The following USP54 variants were observed in gnomAD, a reference collection of about 807,000 sequenced individuals.
USP54 encodes ubiquitin carboxyl-terminal hydrolase 54.
In USP54, 87 loss-of-function variants were observed where a neutral mutation model predicts 170.5. That is an observed-to-expected ratio of 0.51 (90% confidence interval 0.43 to 0.61). The LOEUF is 0.61. USP54 is among the 20% of genes least tolerant of loss of function. The probability of loss-of-function intolerance (pLI) is 0.00; values close to 1 mark genes in which losing one functional copy is unlikely to be tolerated. For missense variants in USP54, 1,786 were observed against 2,047.8 expected, an observed-to-expected ratio of 0.87 and a Z score of 2.47; for synonymous variants, 655 against 742.8, an observed-to-expected ratio of 0.88 and a Z score of 1.92.
chr10:73,528,467 A>T (rs1473952540), intron 15 of USP54, among the ~76,000 whole-genome samples: 2 of 151,784 alleles, frequency 1.3e-5, no homozygotes, highest in African/African-American at 4.8e-5. Flanking sequence ...CATGTTGGCC[A>T]GGCTGGTCAC....
rs113987829 is a variant in USP54 at position 73,541,465 on chromosome 10, A to G, written c.735T>C (p.Ile245=). 17 of 1,614,064 alleles carry G rather than the reference A, an allele frequency of 1.1e-5. No homozygotes were observed. The African/African-American group carries it at 1.2e-4, about 11-fold the overall frequency. ...IRRVLMNAPQ[I]ITIGLVWDSD... is the part of the protein sequence containing the mutation. ...AGTCCCATACCAGCCCAATCGTGAT[A>G]ATCTGTGGAGCATTCATCAACACAC... The change falls in exon 9 of 24, where the codon ATT becomes ATC. Residue 245 remains isoleucine (I), a synonymous_variant. Coordinates refer to ENST00000687698, the MANE Select transcript of USP54 (RefSeq NM_001391956.1).
chr10:73,527,643 A>G (rs1196871577), intron 15 of USP54, among the ~76,000 whole-genome samples: 1 of 151,910 alleles, frequency 6.6e-6, no homozygotes, highest in East Asian at 1.9e-4. Flanking sequence ...CATCATTATT[A>G]TGAATATTAT....
Position 73,498,491 on chromosome 10 carries a change from G to A in USP54, c.*138C>T. The A allele has an allele frequency of 1.3e-6, 1 of 767,996 alleles. No individual in the cohort carries two copies. Among genetic ancestry groups the A allele is most frequent in the Non-Finnish European group, 1.9e-6 (1 of 517,188 alleles). 47.6% of individuals were successfully genotyped at this position (767,996 alleles called of 1,614,324 possible). ...GGGTTTCACCATGTTGGCCAGGATG[G>A]TCTCAATCTCCTGACCTCGTGATCC... On this transcript the variant is annotated 3_prime_UTR_variant, in exon 24 of 24. Transcript: ENST00000687698.
chr10:73,522,267 T>C (rs913709746), intron 17 of USP54, among the ~76,000 whole-genome samples: 1 of 152,244 alleles, frequency 6.6e-6, no homozygotes, highest in African/African-American at 2.4e-5. Context: ...ATAATATTTG[T>C]AATCAACTAA....
At chr10:73,535,889 T>C (rs2065117439) in intron 11 of USP54, among the ~76,000 whole-genome samples, 1 of 152,130 alleles carries the variant, frequency 6.6e-6, no homozygotes, top group Non-Finnish European at 1.5e-5. Flanking sequence ...CCAAACAAAA[T>C]AACTAGCCTT....
chr10:73,557,337 T>C lies in USP54; in HGVS notation c.241-11665A>G, dbSNP rs181548690. Reference sequence around the variant, plus strand: ...ACAAACTTCTTCAATTTTTTTTTTTTTTGAGATGGAGTCTTGCTCTGTCAC... The same window carrying C: ...ACAAACTTCTTCAATTTTTTTTTTTCTTGAGATGGAGTCTTGCTCTGTCAC... On this transcript the variant is annotated intron_variant, in intron 4 of 23. Transcript: ENST00000687698. Among the ~76,000 whole-genome samples the C allele has an allele frequency of 2.6e-5, 4 of 152,254 alleles. No homozygotes were observed. In the East Asian group the frequency reaches 7.7e-4, roughly 29 times the overall value.
intron 1 of USP54, among the ~76,000 whole-genome samples, chr10:73,589,474 A>C (rs760865015): frequency 2.0e-5 from 3 of 152,238 alleles, no homozygotes; most frequent in Non-Finnish European, 4.4e-5. Flanking sequence ...GAGTTCCAGA[A>C]AGTTACCCTA....
At chr10:73,551,396 A>G (rs991542788) in intron 4 of USP54, among the ~76,000 whole-genome samples, 1 of 152,242 alleles carries the variant, frequency 6.6e-6, no homozygotes, top group Non-Finnish European at 1.5e-5. Flanking sequence ...CAGGCCTTCC[A>G]TAATTTGTTA....
At chr10:73,540,452 C>A (rs1344846691) in intron 9 of USP54, among the ~76,000 whole-genome samples, 2 of 151,990 alleles carry the variant, frequency 1.3e-5, no homozygotes, top group Admixed American at 6.6e-5. Flanking sequence ...CACCTGTAGT[C>A]CCATCTACTG....
intron 4 of USP54, among the ~76,000 whole-genome samples, chr10:73,554,380 C>A (rs1474944823): frequency 6.6e-6 from 1 of 152,166 alleles, no homozygotes; most frequent in Non-Finnish European, 1.5e-5. Context: ...CGCTACATCT[C>A]CTGGGAATCA....
chr10:73,608,092 C>T (rs2079825539), intron 1 of USP54, among the ~76,000 whole-genome samples: 1 of 151,598 alleles, frequency 6.6e-6, no homozygotes, highest in South Asian at 2.1e-4. Flanking sequence ...AAACCCTGTC[C>T]CTAACAAAAA....
intron 1 of USP54, among the ~76,000 whole-genome samples, chr10:73,580,117 A>G (rs2076688674): frequency 6.6e-6 from 1 of 152,068 alleles, no homozygotes; most frequent in South Asian, 2.1e-4. Flanking sequence ...TTGGATCAGG[A>G]GTTCAAGACC....
intron 1 of USP54, among the ~76,000 whole-genome samples, chr10:73,618,068 G>A (rs1564968353): frequency 6.7e-6 from 1 of 149,560 alleles, no homozygotes; most frequent in South Asian, 2.1e-4. Flanking sequence ...AAAATTAGCC[G>A]AGCTTGGTGG....
At chr10:73,519,405 C>T in intron 19 of USP54, 2 of 238,148 alleles carry the variant, frequency 8.4e-6, no homozygotes, top group Non-Finnish European at 1.7e-5. Context: ...GCTTTCTCTG[C>T]TTCCATAAGG....
intron 4 of USP54, among the ~76,000 whole-genome samples, chr10:73,558,525 A>C (rs998166687): frequency 1.3e-5 from 2 of 152,146 alleles, no homozygotes; most frequent in Non-Finnish European, 2.9e-5. Flanking sequence ...GAACCACCGC[A>C]CCTGGCCTCA....
rs753246313 is a variant in USP54, at chr10:73,534,710, T to C, written c.1205A>G (p.Tyr402Cys). The change falls in exon 12 of 24, where the codon TAC (tyrosine) becomes TGC (cysteine). Residue 402 changes from tyrosine (Y) to cysteine (C), a missense_variant. Physicochemically the swap from Tyr to Cys is radical, Grantham distance 194 (BLOSUM62 -2). Transcript: ENST00000687698. Reference protein sequence around the residue: ...RTDSSTESYPYKHSHHESVVS... With the variant: ...RTDSSTESYPCKHSHHESVVS... ...CACAGACTCATGGTGGGAATGTTTG[T>C]AGGGATAGCTCTCCGTTGAGGAATC... 2 of 1,614,120 alleles carry C rather than the reference T, an allele frequency of 1.2e-6. No homozygotes were observed. Among genetic ancestry groups the C allele is most frequent in the Non-Finnish European group, 1.7e-6 (2 of 1,179,982 alleles).
intron 22 of USP54, among the ~76,000 whole-genome samples, chr10:73,501,842 T>C (rs1460738931): frequency 6.6e-6 from 1 of 152,226 alleles, no homozygotes; most frequent in Non-Finnish European, 1.5e-5. Flanking sequence ...TTCTGATGGC[T>C]CATACTTTCA....
intron 1 of USP54, among the ~76,000 whole-genome samples, chr10:73,603,476 T>A (rs1028654591): frequency 2.0e-5 from 3 of 151,768 alleles, no homozygotes; most frequent in Non-Finnish European, 4.4e-5. Context: ...GCACTTTGGG[T>A]GGCCAAGGCG....
chr10:73,531,847 T>C (rs1310504746), intron 12 of USP54, among the ~76,000 whole-genome samples: 1 of 152,192 alleles, frequency 6.6e-6, no homozygotes, highest in Non-Finnish European at 1.5e-5. Context: ...TGAGCATGAT[T>C]TGATGACAGC....
Sources: gnomAD v4.1 joint callset for allele counts (sites outside exome capture counted in the v4.1 genomes callset) on GRCh38, gnomAD v4.1.1 for gene constraint, MANE v1.5 for transcripts, NCBI Gene and HGNC (gene_info 2026-07-23, HGNC 2026-07-21) for gene names.